ADAMTS9: variants seen among roughly 807,000 people sequenced by gnomAD.
The protein encoded by ADAMTS9 is ADAM metallopeptidase with thrombospondin type 1 motif 9.
In ADAMTS9, 107 loss-of-function variants were observed where a neutral mutation model predicts 257.1. The observed-to-expected ratio is 0.42, with a 90% CI of 0.36 to 0.49. ADAMTS9 has a LOEUF of 0.49. ADAMTS9 is among the 20% of genes least tolerant of loss of function. The probability of loss-of-function intolerance (pLI) is 0.03; values close to 1 mark genes in which losing one functional copy is unlikely to be tolerated. For synonymous variants in ADAMTS9, 982 were observed against 880.9 expected, an observed-to-expected ratio of 1.11 and a Z score of -2.03; for missense variants, 2,353 against 2,469.1, an observed-to-expected ratio of 0.95 and a Z score of 1.00.
intron 8 of ADAMTS9, among the ~76,000 whole-genome samples, chr3:64,654,051 A>G (rs1022148842): frequency 2.0e-5 from 3 of 152,334 alleles, no homozygotes; most frequent in East Asian, 3.9e-4. Context: ...GAAGGAATGG[A>G]AAGACCCCAT....
chr3:64,642,855 C>A (rs1430788466), intron 11 of ADAMTS9, among the ~76,000 whole-genome samples: 9 of 151,986 alleles, frequency 5.9e-5, no homozygotes, highest in Admixed American at 5.2e-4. Flanking sequence ...ACACAGCCAC[C>A]AAGAGGGGAG....
chr3:64,544,903 T>C (rs981868435), intron 32 of ADAMTS9, among the ~76,000 whole-genome samples: 1 of 152,070 alleles, frequency 6.6e-6, no homozygotes, highest in Admixed American at 6.6e-5. Flanking sequence ...ATGAAGAACT[T>C]ACACAAATTT....
intron 30 of ADAMTS9, among the ~76,000 whole-genome samples, chr3:64,555,995 C>T (rs141528917): frequency 9.9e-5 from 15 of 152,254 alleles, no homozygotes; most frequent in African/African-American, 3.4e-4. Flanking sequence ...TGGCTCTGTG[C>T]GCACATCAAA....
At chr3:64,623,768 C>T (rs1457553813) in intron 16 of ADAMTS9, among the ~76,000 whole-genome samples, 1 of 152,110 alleles carries the variant, frequency 6.6e-6, no homozygotes, top group Non-Finnish European at 1.5e-5. Flanking sequence ...GAATGTAAGA[C>T]CCATGATGGT....
chr3:64,616,350 T>C (rs920931257), intron 19 of ADAMTS9, among the ~76,000 whole-genome samples, 180 bp from the exon 20 acceptor site: 2 of 152,218 alleles, frequency 1.3e-5, no homozygotes, highest in African/African-American at 4.8e-5. Flanking sequence ...CCATGTGTTT[T>C]TCATGGCTGC....
chr3:64,568,109 A>G (rs1015516369), intron 29 of ADAMTS9, among the ~76,000 whole-genome samples: 6 of 152,086 alleles, frequency 3.9e-5, no homozygotes, highest in Non-Finnish European at 7.4e-5. Context: ...CCTGTGCTCC[A>G]TCTGATCCCT....
At chr3:64,612,837 G>T (rs373374295) in intron 22 of ADAMTS9, among the ~76,000 whole-genome samples, 16 of 152,152 alleles carry the variant, frequency 1.1e-4, no homozygotes, top group African/African-American at 3.9e-4. Flanking sequence ...ACTTGGAAAA[G>T]ATTATTTCCA....
chr3:64,549,567 T>C (rs2106929056), intron 31 of ADAMTS9, among the ~76,000 whole-genome samples: 1 of 152,212 alleles, frequency 6.6e-6, no homozygotes, highest in South Asian at 2.1e-4. Context: ...CTTCACTCTC[T>C]AAGGGCATGC....
chr3:64,678,334 T>A (rs1014480048), intron 3 of ADAMTS9, among the ~76,000 whole-genome samples: 10 of 152,204 alleles, frequency 6.6e-5, no homozygotes, highest in African/African-American at 2.4e-4. Flanking sequence ...AAAGCACTGA[T>A]GTAGAAAGTC....
At chr3:64,632,382 CAT>C (rs1302674648) in intron 14 of ADAMTS9, among the ~76,000 whole-genome samples, 1 of 152,162 alleles carries the variant, frequency 6.6e-6, no homozygotes, top group Non-Finnish European at 1.5e-5. Flanking sequence ...CTATTGCTGC[CAT>C]GAGGGAATGG....
intron 16 of ADAMTS9, among the ~76,000 whole-genome samples, chr3:64,627,615 G>A (rs906575874): frequency 6.6e-6 from 1 of 152,108 alleles, no homozygotes; most frequent in Non-Finnish European, 1.5e-5. Flanking sequence ...TCCTGCTTTG[G>A]TACTTTGTGA....
At chr3:64,584,851 T>C (rs1355779918) in intron 28 of ADAMTS9, among the ~76,000 whole-genome samples, 1 of 152,176 alleles carries the variant, frequency 6.6e-6, no homozygotes, top group Non-Finnish European at 1.5e-5. Flanking sequence ...AAACTCTTTT[T>C]TCCTCAAATC....
chr3:64,570,263 G>C (rs2083646291), intron 28 of ADAMTS9, among the ~76,000 whole-genome samples: 1 of 152,116 alleles, frequency 6.6e-6, no homozygotes, highest in Non-Finnish European at 1.5e-5. Flanking sequence ...AGACCAGTGA[G>C]GGAAGCTGAC....
intron 19 of ADAMTS9, 89 bp downstream of exon 19, chr3:64,621,025 A>G (rs1700090113): frequency 2.0e-6 from 3 of 1,470,662 alleles, no homozygotes; most frequent in Admixed American, 2.2e-5. Flanking sequence ...ACTAAAGACC[A>G]GCATCCCCTC....
chr3:64,594,725 G>A (rs2084330402), intron 27 of ADAMTS9, among the ~76,000 whole-genome samples: 1 of 152,136 alleles, frequency 6.6e-6, no homozygotes, highest in African/African-American at 2.4e-5. Flanking sequence ...TATATATGAA[G>A]CAATTAAGGT....
Position 64,687,707 on chromosome 3 carries a change from C to G in ADAMTS9, c.-50G>C. ...TGCCCCCACCCCCCTCCCTCCTGCC[C>G]TCCTTGGCTGCGGCGGCGACGCGAG... On this transcript the variant is annotated 5_prime_UTR_variant, in exon 1 of 40. Coordinates refer to ENST00000498707, the MANE Select transcript of ADAMTS9 (RefSeq NM_182920.2). The surrounding 1 kb of genome is among the most constrained non-coding windows in gnomAD (Gnocchi z 4.4). 1 of 1,358,958 alleles carries G rather than the reference C, an allele frequency of 7.4e-7. No homozygotes were observed. Among genetic ancestry groups the G allele is most frequent in the Non-Finnish European group, 9.8e-7 (1 of 1,019,946 alleles). The allele number at this position is 1,358,958 out of a possible 1,614,324, so 84.2% of individuals were successfully genotyped here.
chr3:64,596,017 T>A (rs1470953682), intron 27 of ADAMTS9, among the ~76,000 whole-genome samples: 3 of 152,238 alleles, frequency 2.0e-5, no homozygotes, highest in Non-Finnish European at 4.4e-5. Flanking sequence ...ACAGTATTAT[T>A]AATAATTATT....
chr3:64,571,406 GCA>G (rs1309554577), intron 28 of ADAMTS9, among the ~76,000 whole-genome samples: 1 of 152,104 alleles, frequency 6.6e-6, no homozygotes, highest in Non-Finnish European at 1.5e-5. Context: ...AACAATAACA[GCA>G]CAGTGAAAAA....
intron 19 of ADAMTS9, 64 bp downstream of exon 19, chr3:64,621,050 G>T (rs887794425): frequency 5.2e-6 from 8 of 1,546,610 alleles, no homozygotes; most frequent in Non-Finnish European, 6.1e-6. Context: ...TGCTTCTCCT[G>T]CTGGGACCTC....
Sources: allele counts gnomAD v4.1 joint callset (sites outside exome capture counted in the v4.1 genomes callset), GRCh38; gene constraint gnomAD v4.1.1; non-coding constraint Gnocchi (gnomAD v3.1); transcripts MANE v1.5; gene names NCBI Gene and HGNC (gene_info 2026-07-23, HGNC 2026-07-21).